PDE10A: variants seen among roughly 807,000 people sequenced by gnomAD.
The protein encoded by PDE10A is phosphodiesterase 10A.
PDE10A carries 39 observed loss-of-function variants against 97.7 expected under a neutral mutation model. The observed-to-expected ratio is 0.40, with a 90% CI of 0.31 to 0.52. PDE10A has a LOEUF of 0.52. PDE10A is among the 20% of genes least tolerant of loss of function. PDE10A has a pLI of 0.56. For missense variants in PDE10A, 731 were observed against 1,047.8 expected (o/e 0.70, Z 4.17); for synonymous variants, 371 against 376.8 (o/e 0.98, Z 0.18).
chr6:165,648,192 T>G (rs568440837), intron 1 of PDE10A, among the ~76,000 whole-genome samples: 55 of 152,146 alleles, frequency 3.6e-4, no homozygotes, highest in African/African-American at 1.2e-3. Flanking sequence ...TTTTGTATTT[T>G]TAGTAGAGAC....
chr6:165,959,922 G>A (rs369717111), intron 1 of PDE10A, among the ~76,000 whole-genome samples: 3 of 152,102 alleles, frequency 2.0e-5, no homozygotes, highest in Admixed American at 6.5e-5. Flanking sequence ...ACCCAGAGGC[G>A]ACTTCCTGCA....
At chr6:165,729,969 A>G (rs1349426089) in intron 1 of PDE10A, among the ~76,000 whole-genome samples, 1 of 152,224 alleles carries the variant, frequency 6.6e-6, no homozygotes, top group Non-Finnish European at 1.5e-5. Context: ...ATTTATATAC[A>G]TATATATCAC....
At chr6:165,787,107 TA>T (rs1778517300) in intron 1 of PDE10A, among the ~76,000 whole-genome samples, 1 of 152,266 alleles carries the variant, frequency 6.6e-6, no homozygotes, top group Non-Finnish European at 1.5e-5. Context: ...CAAACGTGAA[TA>T]AAATGTAAGC....
At chr6:165,547,506 C>T (rs1783796944) in intron 1 of PDE10A, among the ~76,000 whole-genome samples, 1 of 147,328 alleles carries the variant, frequency 6.8e-6, no homozygotes, top group Non-Finnish European at 1.5e-5. Context: ...TTAGATTTAA[C>T]ACTGGTACCT....
chr6:165,508,865 T>G (rs1238606187), intron 2 of PDE10A, among the ~76,000 whole-genome samples: 1 of 152,066 alleles, frequency 6.6e-6, no homozygotes, highest in African/African-American at 2.4e-5. Context: ...GAAGCTATCA[T>G]AATAGTCCAG....
chr6:165,687,683 C>G (rs1791158975), intron 1 of PDE10A, among the ~76,000 whole-genome samples: 1 of 152,218 alleles, frequency 6.6e-6, no homozygotes, highest in Admixed American at 6.5e-5. Context: ...TATGCACTTC[C>G]TCTCACCCAG....
rs191033322 is a variant in PDE10A at position 165,527,633 on chromosome 6, G to A, written c.994+15807C>T. Reference sequence around the variant, plus strand: ...CGACCTGAACTGCCCATCATGAACTGGGTGTTTTCTGACCCATCTAGCCAT... The same window carrying A: ...CGACCTGAACTGCCCATCATGAACTAGGTGTTTTCTGACCCATCTAGCCAT... On this transcript the variant is annotated intron_variant, in intron 2 of 21. Transcript: ENST00000539869. 1.2e-4 allele frequency among the ~76,000 whole-genome samples: 19 copies of A among 152,296 alleles called. No individual in the cohort carries two copies. The East Asian group carries it at 3.7e-3, about 29-fold the overall frequency.
intron 1 of PDE10A, among the ~76,000 whole-genome samples, chr6:165,828,290 G>A (rs1385098604): frequency 6.6e-6 from 1 of 152,234 alleles, no homozygotes; most frequent in East Asian, 1.9e-4. Flanking sequence ...CAGAGAAAAA[G>A]AGTAACCTCC....
At chr6:165,448,880 A>G (rs993860273) in intron 5 of PDE10A, 48 bp downstream of exon 5, 1 of 1,130,886 alleles carries the variant, frequency 8.8e-7, no homozygotes, top group Non-Finnish European at 1.3e-6. Context: ...AAAGGAGCTT[A>G]TGATATTTTC....
intron 1 of PDE10A, among the ~76,000 whole-genome samples, chr6:165,792,796 TG>T (rs1334139163): frequency 1.3e-5 from 2 of 152,206 alleles, no homozygotes; most frequent in African/African-American, 4.8e-5. Flanking sequence ...TTAAAAGGTT[TG>T]TAAGTGATTG....
intron 2 of PDE10A, among the ~76,000 whole-genome samples, chr6:165,524,183 T>C (rs977043919): frequency 1.2e-4 from 19 of 152,204 alleles, no homozygotes; most frequent in African/African-American, 4.1e-4. Context: ...GAATTAATAC[T>C]TAATAAACTC....
At chr6:165,356,084 A>C (rs1350412286) in intron 18 of PDE10A, among the ~76,000 whole-genome samples, 5 of 152,102 alleles carry the variant, frequency 3.3e-5, no homozygotes, top group Non-Finnish European at 7.3e-5. Context: ...ACTTTCAAAC[A>C]ACCAGATCTG....
chr6:165,546,837 G>A (rs1196242291), intron 1 of PDE10A, among the ~76,000 whole-genome samples: 2 of 152,056 alleles, frequency 1.3e-5, no homozygotes, highest in East Asian at 3.8e-4. Flanking sequence ...AATAAAAATG[G>A]TTACATATAG....
chr6:165,937,076 T>A (rs926537003), intron 1 of PDE10A, among the ~76,000 whole-genome samples: 1 of 152,008 alleles, frequency 6.6e-6, no homozygotes, highest in African/African-American at 2.4e-5. Context: ...ACCATGACAA[T>A]TTTTTTGCCC....
At chr6:165,412,877 T>C (rs1787988596) in intron 13 of PDE10A, among the ~76,000 whole-genome samples, 1 of 151,916 alleles carries the variant, frequency 6.6e-6, no homozygotes, top group African/African-American at 2.4e-5. Flanking sequence ...ATTACTAGAG[T>C]TTACAGAATA....
At chr6:165,722,906 A>T (rs1269781960) in intron 1 of PDE10A, among the ~76,000 whole-genome samples, 1 of 152,074 alleles carries the variant, frequency 6.6e-6, no homozygotes, top group African/African-American at 2.4e-5. Context: ...ACACACATAT[A>T]CATATGTGTG....
intron 1 of PDE10A, among the ~76,000 whole-genome samples, chr6:165,596,349 G>A (rs745462332): frequency 2.5e-4 from 38 of 152,146 alleles, no homozygotes; most frequent in African/African-American, 6.5e-4. Context: ...GTCTCCCTGC[G>A]TCTGCCCTTT....
At chr6:165,663,359 G>A (rs1346136818), upstream of PDE10A, among the ~76,000 whole-genome samples, 1 of 151,992 alleles carries the variant, frequency 6.6e-6, no homozygotes, top group Non-Finnish European at 1.5e-5. Context: ...TCCTCTGTGC[G>A]CCGCCTGCAC....
At chr6:165,486,344 G>C (rs1222052595) in intron 2 of PDE10A, among the ~76,000 whole-genome samples, 1 of 152,204 alleles carries the variant, frequency 6.6e-6, no homozygotes, top group East Asian at 1.9e-4. Flanking sequence ...CACATGGACA[G>C]AGCAGCTGCC....
Sources: allele counts gnomAD v4.1 joint callset (sites outside exome capture counted in the v4.1 genomes callset), GRCh38; gene constraint gnomAD v4.1.1; transcripts MANE v1.5; gene names NCBI Gene and HGNC (gene_info 2026-07-23, HGNC 2026-07-21).